DTNB: variants seen among roughly 807,000 people sequenced by gnomAD.
DTNB encodes the protein dystrobrevin beta, also known as DTN-B.
In DTNB, 63 loss-of-function variants were observed where a neutral mutation model predicts 90.7. The ratio of observed to expected loss-of-function variants is 0.69; its 90% CI spans 0.57 to 0.86. DTNB has a LOEUF of 0.86. DTNB is among the 40% of genes least tolerant of loss of function. The pLI is 0.00. For synonymous variants in DTNB, 277 were observed against 286.7 expected (o/e 0.97, Z 0.34); for missense variants, 744 against 807.1 (o/e 0.92, Z 0.95).
At chr2:25,615,816 T>C (rs575463072) in intron 4 of DTNB, among the ~76,000 whole-genome samples, 1 of 152,352 alleles carries the variant, frequency 6.6e-6, no homozygotes, top group Admixed American at 6.5e-5. Context: ...GATCATTTCT[T>C]GTGTATTTTT....
intron 8 of DTNB, among the ~76,000 whole-genome samples, chr2:25,544,347 T>C (rs773090199): frequency 6.6e-6 from 1 of 152,234 alleles, no homozygotes; most frequent in Non-Finnish European, 1.5e-5. Context: ...CTCAGATTAC[T>C]GTGTTTTCAA....
In DTNB at chr2:25,451,583, A is replaced by T. The variant is rs780438326; in HGVS notation, c.1222T>A (p.Tyr408Asn). ...GCTTCTGCAGCCAGCCGGGCAGCATAGCGAGCTATAAGACGGTGTTCCTCA... is the reference window on the plus strand; with the variant it reads ...GCTTCTGCAGCCAGCCGGGCAGCATTGCGAGCTATAAGACGGTGTTCCTCA... ...LDEEHRLIAR[Y>N]AARLAAEAGN... Residue 408 changes from tyrosine (Y) to asparagine (N), a missense_variant, in exon 12 of 21, where the codon TAT becomes AAT. Tyr to Asn is a moderately radical substitution (Grantham distance 143, BLOSUM62 -2). Transcript: ENST00000406818. 1 of 1,609,276 alleles carries T rather than the reference A, an allele frequency of 6.2e-7. No homozygotes were observed. Among genetic ancestry groups the T allele is most frequent in the Non-Finnish European group, 8.5e-7 (1 of 1,177,856 alleles).
chr2:25,385,155 G>C lies in DTNB; in HGVS notation c.1826-1266C>G, dbSNP rs1333075388. 4.6e-5 allele frequency among the ~76,000 whole-genome samples: 7 copies of C among 152,148 alleles called. No homozygotes were observed. In the East Asian group the frequency reaches 1.3e-3, roughly 29 times the overall value. ...AGCCTCCCAAAGTGCTGGGATTACA[G>C]GTGTGAGCCACTGTGCCTGTGGCCT... On this transcript the variant is annotated intron_variant, in intron 18 of 20. Coordinates refer to ENST00000406818, the MANE Select transcript of DTNB (RefSeq NM_021907.5).
intron 9 of DTNB, among the ~76,000 whole-genome samples, chr2:25,501,876 G>T (rs1049379079): frequency 2.6e-5 from 4 of 151,312 alleles, no homozygotes; most frequent in African/African-American, 4.9e-5. Context: ...TAAAACTTCA[G>T]ATTTATTAAA....
intron 6 of DTNB, chr2:25,595,222 T>G (rs1341162457): frequency 6.6e-6 from 1 of 152,166 alleles, no homozygotes; most frequent in East Asian, 1.9e-4. Flanking sequence ...GTTTATCCCT[T>G]TAGTGGTGAT....
chr2:25,434,396 AGTC>A (rs1270530113), intron 12 of DTNB, among the ~76,000 whole-genome samples: 2 of 119,650 alleles, frequency 1.7e-5, no homozygotes, highest in East Asian at 6.3e-4. Context: ...TCCATGAACT[AGTC>A]TTTTTTTTTT....
chr2:25,531,699 T>A, intron 8 of DTNB, 102 bp from the exon 9 acceptor site: 1 of 1,444,438 alleles, frequency 6.9e-7, no homozygotes, highest in Non-Finnish European at 9.2e-7. Context: ...AAACATCTTT[T>A]CAAATACAAA....
intron 10 of DTNB, among the ~76,000 whole-genome samples, chr2:25,468,639 C>G (rs1457006646): frequency 6.6e-6 from 1 of 152,096 alleles, no homozygotes; most frequent in African/African-American, 2.4e-5. Context: ...AAATCAGGGT[C>G]AAGTGCAAAA....
At chr2:25,517,767 C>T (rs576420833) in intron 9 of DTNB, among the ~76,000 whole-genome samples, 1 of 152,116 alleles carries the variant, frequency 6.6e-6, no homozygotes, top group African/African-American at 2.4e-5. Flanking sequence ...GAGGTGAAAG[C>T]CACCCAAAAT....
chr2:25,456,968 G>C (rs949602824), intron 10 of DTNB, among the ~76,000 whole-genome samples: 1 of 151,922 alleles, frequency 6.6e-6, no homozygotes, highest in African/African-American at 2.4e-5. Flanking sequence ...GACCTTATTA[G>C]CTTTCCTGCT....
intron 4 of DTNB, among the ~76,000 whole-genome samples, chr2:25,627,351 G>T (rs1406387594): frequency 6.6e-6 from 1 of 151,962 alleles, no homozygotes; most frequent in Non-Finnish European, 1.5e-5. Flanking sequence ...GGTGGAGGTA[G>T]TGGTGAGCCG....
intron 8 of DTNB, among the ~76,000 whole-genome samples, chr2:25,560,887 T>C (rs759127905): frequency 7.9e-5 from 12 of 152,200 alleles, no homozygotes; most frequent in Non-Finnish European, 1.6e-4. Context: ...TAGTTTGTTA[T>C]GGCCTCCACA....
At chr2:25,672,552 T>G (rs1464655153) in intron 1 of DTNB, among the ~76,000 whole-genome samples, 1 of 152,204 alleles carries the variant, frequency 6.6e-6, no homozygotes, top group African/African-American at 2.4e-5. Context: ...TCCCATAGGC[T>G]TCTTTTGACC....
chr2:25,669,853 C>T (rs1008173008), intron 1 of DTNB, among the ~76,000 whole-genome samples: 63 of 151,928 alleles, frequency 4.1e-4, no homozygotes, highest in African/African-American at 1.4e-3. Flanking sequence ...ATCACTTGAG[C>T]CCTGGAGTGC....
chr2:25,457,776 T>G (rs1484084644), intron 10 of DTNB, among the ~76,000 whole-genome samples: 1 of 152,168 alleles, frequency 6.6e-6, no homozygotes, highest in East Asian at 1.9e-4. Context: ...ATACTGTAAT[T>G]CTTGATTGCT....
At chr2:25,549,047 C>G (rs748796625) in intron 8 of DTNB, among the ~76,000 whole-genome samples, 5 of 152,042 alleles carry the variant, frequency 3.3e-5, no homozygotes, top group Non-Finnish European at 7.4e-5. Flanking sequence ...TGTTTTGTCT[C>G]ATGTTAATAT....
intron 3 of DTNB, 115 bp from the exon 4 acceptor site, chr2:25,628,499 G>T: frequency 1.0e-6 from 1 of 987,914 alleles, no homozygotes; most frequent in Non-Finnish European, 1.5e-6. Context: ...AAACTCTTTA[G>T]CCAACAATGA....
chr2:25,514,727 C>T (rs1286574765), intron 9 of DTNB, among the ~76,000 whole-genome samples: 1 of 119,544 alleles, frequency 8.4e-6, no homozygotes, highest in Non-Finnish European at 1.6e-5. Context: ...CTTGCTCTGT[C>T]ACCCACGCTG....
intron 16 of DTNB, among the ~76,000 whole-genome samples, chr2:25,409,797 C>T (rs941403967): frequency 3.3e-5 from 5 of 152,180 alleles, no homozygotes; most frequent in Admixed American, 1.3e-4. Context: ...TTCCCTAAGG[C>T]TCACGTTTAT....
Sources: gnomAD v4.1 joint callset for allele counts (sites outside exome capture counted in the v4.1 genomes callset) on GRCh38, gnomAD v4.1.1 for gene constraint, MANE v1.5 for transcripts, NCBI Gene and HGNC (gene_info 2026-07-23, HGNC 2026-07-21) for gene names.